The following GLB1L variants were observed in gnomAD, a reference collection of about 807,000 sequenced individuals.
GLB1L encodes galactosidase beta 1 like, also known as beta-galactosidase-1-like protein.
GLB1L carries 58 observed loss-of-function variants against 75.7 expected under a neutral mutation model. The ratio of observed to expected loss-of-function variants is 0.77; its 90% CI spans 0.62 to 0.95. The LOEUF (loss-of-function observed/expected upper bound fraction) is 0.95, where lower values mean the gene tolerates loss of function less well. Ranked by LOEUF, GLB1L falls within the 40% of genes least tolerant of loss-of-function variation. The pLI is 0.00. For missense variants in GLB1L, 797 were observed against 805.5 expected (o/e 0.99, Z 0.13); for synonymous variants, 296 against 303.0 (o/e 0.98, Z 0.24).
At chr2:219,237,793 G>A in intron 15 of GLB1L, 33 bp downstream of exon 15, 1 of 1,613,290 alleles carries the variant, frequency 6.2e-7, no homozygotes, top group Non-Finnish European at 8.5e-7. Flanking sequence ...CCTTAATCAA[G>A]CCCTGGGATA....
At position 219,236,918 on chromosome 2, in the gene GLB1L, A is replaced by G. The variant is rs1042491454; in HGVS notation, c.*154T>C. ...GTAGCTGGGATTAGAGGTGCCCACC[A>G]TCACGCCCGGCTAATTTTTGTATTT... On this transcript the variant is annotated 3_prime_UTR_variant, in exon 17 of 17. Coordinates refer to ENST00000295759, the MANE Select transcript of GLB1L (RefSeq NM_001286423.2). 5 of 583,118 alleles carry G rather than the reference A, an allele frequency of 8.6e-6. No individual in the cohort carries two copies. The African/African-American group carries it at 9.4e-5, about 11-fold the overall frequency. The allele number at this position is 583,118 out of a possible 1,614,324, so 36.1% of individuals were successfully genotyped here. A position where few individuals can be genotyped will look rare whatever the true frequency, so the allele number is the denominator to read the frequency against.
At chr2:219,238,832 A>G in intron 11 of GLB1L, 53 bp from the exon 12 acceptor site, 1 of 1,479,274 alleles carries the variant, frequency 6.8e-7, no homozygotes, top group Non-Finnish European at 9.4e-7. Context: ...AACAATACCT[A>G]TTCCAAGACT....
chr2:219,244,899 C>G (rs547816127), intron 1 of GLB1L, among the ~76,000 whole-genome samples: 2 of 152,344 alleles, frequency 1.3e-5, no homozygotes, highest in Admixed American at 1.3e-4. Context: ...ACTAGTCAGT[C>G]TGGCCTCACA....
rs769334330 is a variant in GLB1L at position 219,237,226 on chromosome 2, A to G, written c.1811T>C (p.Leu604Ser). ...FPRGALNKITLLELEDVPLQP... is the reference protein window; with the variant it reads ...FPRGALNKITSLELEDVPLQP... ...GAGAGGTACATCTTCTAGTTCCAGC[A>G]ATGTAATTTTGTTGAGGGCTCCCCT... The change falls in exon 17 of 17, where the codon TTG becomes TCG. Residue 604 changes from leucine to serine, a missense_variant. Transcript: ENST00000295759. 6.2e-7 allele frequency: 1 copy of G among 1,614,224 alleles called. No individual in the cohort carries two copies. The highest frequency in any genetic ancestry group is 1.3e-5 in the African/African-American group (1 of 75,054).
chr2:219,240,307 CTG>C lies in GLB1L; in HGVS notation c.452-24_452-23del, dbSNP rs751204768. On this transcript the variant is annotated intron_variant, in intron 5 of 16. Coordinates refer to ENST00000295759, the MANE Select transcript of GLB1L (RefSeq NM_001286423.2). ...AAGTCTAAAGGAAGGAGCAGAGCTTCTGTGTTAGGTGCTACCATCACACTTGC... is the reference window on the plus strand; with the variant it reads ...AAGTCTAAAGGAAGGAGCAGAGCTTCTGTTAGGTGCTACCATCACACTTGC... 9 of 1,580,338 alleles carry C rather than the reference CTG, an allele frequency of 5.7e-6. No individual in the cohort carries two copies. The East Asian group carries it at 1.8e-4, about 31-fold the overall frequency.
rs775490864 is a variant in GLB1L, at chr2:219,239,289, T to C, written c.944-79A>G. The C allele has an allele frequency of 3.6e-5, 54 of 1,485,198 alleles. No homozygotes were observed. The Admixed American group carries it at 4.4e-4, about 12-fold the overall frequency. 92.0% of individuals were successfully genotyped at this position (1,485,198 alleles called of 1,614,324 possible). On this transcript the variant is annotated intron_variant, in intron 10 of 16. Coordinates refer to ENST00000295759, the MANE Select transcript of GLB1L (RefSeq NM_001286423.2). ...ACTAAGCATGCTTCATGCAGAGAAT[T>C]TTGCCATCAGAGGGGGCAGAGGTGG...
At chr2:219,244,002 A>AGGGTGGGGGTGGGGGTGGGGGTGG (rs1244981717) in intron 1 of GLB1L, 3 of 18,264 alleles carry the variant, frequency 1.6e-4, no homozygotes, top group African/African-American at 7.0e-4. Flanking sequence ...AGCTACTCCG[A>AGGGTGGGGGTGGGGGTGGGGGTGG]GGGTGGGGGT....
intron 5 of GLB1L, among the ~76,000 whole-genome samples, chr2:219,241,434 G>GTATATATATATATATA (rs1392771177): frequency 9.6e-5 from 8 of 82,972 alleles, no homozygotes; most frequent in African/African-American, 2.2e-4. Context: ...GTGTGTGTGT[G>GTATATATATATATATA]TGTGTGTGTA....
intron 5 of GLB1L, among the ~76,000 whole-genome samples, chr2:219,242,059 C>T (rs1951406415): frequency 6.6e-6 from 1 of 152,294 alleles, no homozygotes; most frequent in East Asian, 1.9e-4. Context: ...TCAATCTCGG[C>T]TCACTGCAAC....
rs755688596 is a variant in GLB1L at position 219,240,273 on chromosome 2, G to T, written c.464C>A (p.Ala155Glu). The change falls in exon 6 of 17, where the codon GCA becomes GAA. Residue 155 changes from alanine (A) to glutamate (E), a missense_variant. Coordinates refer to ENST00000295759, the MANE Select transcript of GLB1L (RefSeq NM_001286423.2). Reference sequence around the variant, plus strand: ...CAAGACCTTGAACCAGGAGTCCACTGCGGCAAGGAAGTCTAAAGGAAGGAG... The same window carrying T: ...CAAGACCTTGAACCAGGAGTCCACTTCGGCAAGGAAGTCTAAAGGAAGGAG... ...LRTSDPDFLA[A>E]VDSWFKVLLP... 2 of 1,614,104 alleles carry T rather than the reference G, an allele frequency of 1.2e-6. No homozygotes were observed. Among genetic ancestry groups the T allele is most frequent in the Non-Finnish European group, 1.7e-6 (2 of 1,179,934 alleles).
intron 5 of GLB1L, 42 bp downstream of exon 5, chr2:219,242,472 T>C (rs367754500): frequency 6.2e-6 from 9 of 1,463,102 alleles, no homozygotes; most frequent in Middle Eastern, 1.7e-4. Context: ...ATAGCCCATT[T>C]TACTTACTTG....
In GLB1L at chr2:219,242,591, G is replaced by A. The variant is rs1951418252; in HGVS notation, c.391-17C>T. 3 of 1,610,188 alleles carry A rather than the reference G, an allele frequency of 1.9e-6. No individual in the cohort carries two copies. On this transcript the variant is annotated splice_polypyrimidine_tract_variant and intron_variant, in intron 4 of 16. Coordinates refer to ENST00000295759, the MANE Select transcript of GLB1L (RefSeq NM_001286423.2). Reference sequence around the variant, plus strand: ...GAGACCCCCCTGAGACAAACATAAAGAGAACAAAGAAGCATGTAGGTTTTG... The same window carrying A: ...GAGACCCCCCTGAGACAAACATAAAAAGAACAAAGAAGCATGTAGGTTTTG...
chr2:219,238,322 G>T lies in GLB1L; in HGVS notation c.1269C>A (p.Thr423=). The change falls in exon 14 of 17, where the codon ACC becomes ACA. Residue 423 remains threonine, a synonymous_variant. Coordinates refer to ENST00000295759, the MANE Select transcript of GLB1L (RefSeq NM_001286423.2). The part of the protein sequence containing the change: ...FMLYRTYMTH[T]IFEPTPFWVP... ...CCCAGAATGGTGTTGGCTCAAAAAT[G>T]GTATGGGTCATATAGGTTCGGTACA... The T allele has an allele frequency of 6.2e-7, 1 of 1,612,926 alleles. No homozygotes were observed. Among genetic ancestry groups the T allele is most frequent in the Non-Finnish European group, 8.5e-7 (1 of 1,179,342 alleles).
Position 219,236,632 on chromosome 2 carries a change from C to T in GLB1L, c.*440G>A, listed in dbSNP as rs1004418024. The T allele has an allele frequency of 5.1e-6, 4 of 791,746 alleles. No homozygotes were observed. Among genetic ancestry groups the T allele is most frequent in the Non-Finnish European group, 7.6e-6 (4 of 527,844 alleles). 49.0% of individuals were successfully genotyped at this position (791,746 alleles called of 1,614,324 possible). ...GGTACTGTCTCTGGAATTTTAATCA[C>T]AATAAAGTTTGGCAAGGAATGTGTA... is the stretch of plus-strand genomic sequence containing the variant. On this transcript the variant is annotated 3_prime_UTR_variant, in exon 17 of 17. Transcript: ENST00000295759.
Position 219,238,306 on chromosome 2 carries a change from G to C in GLB1L, c.1285C>G (p.Pro429Ala). Residue 429 changes from proline to alanine, a missense_variant, in exon 14 of 17, where the codon CCA becomes GCA. Transcript: ENST00000295759. ...ACTCCATTATTTGGCACCCAGAATG[G>C]TGTTGGCTCAAAAATGGTATGGGTC... ...YMTHTIFEPT[P>A]FWVPNNGVHD... 6.2e-7 allele frequency: 1 copy of C among 1,613,154 alleles called. No individual in the cohort carries two copies. Among genetic ancestry groups the C allele is most frequent in the South Asian group, 1.1e-5 (1 of 91,006 alleles).
rs1951265768 is a variant in GLB1L, at chr2:219,237,112, G to GT, written c.1924dup (p.Thr642AsnfsTer6). On this transcript the variant is annotated frameshift_variant, in exon 17 of 17. Transcript: ENST00000295759. LOFTEE classifies it high-confidence loss of function. ...CTCCATTGGTTCAGAGGCACTCAGT[G>GT]TATCAGCTGAAAGGGAATTGATATG... is the stretch of plus-strand genomic sequence containing the variant. The GT allele has an allele frequency of 6.2e-7, 1 of 1,612,900 alleles. No homozygotes were observed. Among genetic ancestry groups the GT allele is most frequent in the Middle Eastern group, 1.7e-4 (1 of 6,058 alleles).
chr2:219,240,796 G>A (rs1951367254), intron 5 of GLB1L, among the ~76,000 whole-genome samples: 1 of 149,036 alleles, frequency 6.7e-6, no homozygotes, highest in Admixed American at 6.7e-5. Context: ...ATATAGAGGG[G>A]ATGGCCGGGT....
chr2:219,240,336 C>A, intron 5 of GLB1L, 51 bp from the exon 6 acceptor site: 1 of 1,382,764 alleles, frequency 7.2e-7, no homozygotes, highest in South Asian at 1.2e-5. Context: ...CACACTTGCT[C>A]ACCACTAAAT....
At position 219,239,798 on chromosome 2, in the gene GLB1L, TC is replaced by T. The variant is rs1457832741; in HGVS notation, c.756del (p.Lys253SerfsTer9). ...DNMTKIFTLL[R>X]KYEPHGPLVN... ...ACCAATGGCCCATGGGGTTCATACT[TC>T]CGAAGCAGGGTAAAGATTTTGGTCA... On this transcript the variant is annotated frameshift_variant, in exon 8 of 17. Transcript: ENST00000295759. LOFTEE classifies it high-confidence loss of function. 1.2e-6 allele frequency: 2 copies of T among 1,614,060 alleles called. No homozygotes were observed. Among genetic ancestry groups the T allele is most frequent in the Middle Eastern group, 1.6e-4 (1 of 6,084 alleles).
Sources: gnomAD v4.1 joint callset for allele counts (sites outside exome capture counted in the v4.1 genomes callset) on GRCh38, gnomAD v4.1.1 for gene constraint, MANE v1.5 for transcripts, NCBI Gene and HGNC (gene_info 2026-07-23, HGNC 2026-07-21) for gene names.